SLC35D4: variants seen among roughly 807,000 people sequenced by gnomAD.
The protein encoded by SLC35D4 is solute carrier family 35 member D4.
chr18:23,404,323 G>T, the SLC35D4 span, among the ~76,000 whole-genome samples: 1 of 152,184 alleles, frequency 6.6e-6, no homozygotes, highest in African/African-American at 2.4e-5. Context: ...TTGGTGTCTT[G>T]TGGGAAGTGA....
the SLC35D4 span, among the ~76,000 whole-genome samples, chr18:23,338,643 C>T: frequency 1.3e-5 from 2 of 152,212 alleles, no homozygotes; most frequent in African/African-American, 4.8e-5. Flanking sequence ...TTTCCACCCC[C>T]CAGCCATTTT....
At chr18:23,291,649 C>T in the SLC35D4 span, among the ~76,000 whole-genome samples, 1 of 152,092 alleles carries the variant, frequency 6.6e-6, no homozygotes, top group Non-Finnish European at 1.5e-5. Context: ...GCCTCTCCTG[C>T]ACAACAGCTC....
chr18:23,373,411 G>A, the SLC35D4 span, among the ~76,000 whole-genome samples: 1 of 152,198 alleles, frequency 6.6e-6, no homozygotes, highest in Admixed American at 6.5e-5. Flanking sequence ...TGAGGCTGGG[G>A]CAATTTGGGC....
the SLC35D4 span, among the ~76,000 whole-genome samples, chr18:23,341,801 T>C: frequency 6.6e-6 from 1 of 152,172 alleles, no homozygotes; most frequent in Non-Finnish European, 1.5e-5. Flanking sequence ...TAATGGCTCA[T>C]TGAATCCAAT....
the SLC35D4 span, among the ~76,000 whole-genome samples, chr18:23,414,659 C>T: frequency 6.7e-6 from 1 of 149,926 alleles, no homozygotes; most frequent in East Asian, 2.0e-4. Context: ...GGTGACAGAG[C>T]GAAACTCCAT....
the SLC35D4 span, chr18:23,253,174 G>A: frequency 1.5e-6 from 1 of 675,752 alleles, no homozygotes; most frequent in South Asian, 1.7e-5. Context: ...CAGTGATTGA[G>A]TCATTGTCAC....
the SLC35D4 span, among the ~76,000 whole-genome samples, chr18:23,322,942 T>A: frequency 6.6e-6 from 1 of 152,222 alleles, no homozygotes; most frequent in South Asian, 2.1e-4. Context: ...GTAAATGTAC[T>A]CTTCTACTGT....
At chr18:23,289,521 C>T in the SLC35D4 span, among the ~76,000 whole-genome samples, 1 of 152,218 alleles carries the variant, frequency 6.6e-6, no homozygotes, top group African/African-American at 2.4e-5. Flanking sequence ...CACGCCATCC[C>T]TAATCCTGCT....
At chr18:23,309,376 G>A in the SLC35D4 span, among the ~76,000 whole-genome samples, 8 of 152,098 alleles carry the variant, frequency 5.3e-5, no homozygotes, top group East Asian at 1.9e-4. Context: ...GCCCTGGGGT[G>A]GAGGAGTGAG....
the SLC35D4 span, chr18:23,385,102 T>C: frequency 6.3e-7 from 1 of 1,587,494 alleles, no homozygotes; most frequent in South Asian, 1.1e-5. Context: ...ATGAAAATAT[T>C]TTCTTCGATC....
At chr18:23,413,030 T>C in the SLC35D4 span, among the ~76,000 whole-genome samples, 1 of 152,122 alleles carries the variant, frequency 6.6e-6, no homozygotes, top group Non-Finnish European at 1.5e-5. Context: ...TCCGTAAAGT[T>C]CTTTTTTTTT....
At chr18:23,355,467 C>T in the SLC35D4 span, among the ~76,000 whole-genome samples, 7 of 152,158 alleles carry the variant, frequency 4.6e-5, no homozygotes, top group South Asian at 1.2e-3. Flanking sequence ...TCCCAGCTAA[C>T]GGGCAAGGCC....
At chr18:23,368,017 T>C in the SLC35D4 span, among the ~76,000 whole-genome samples, 3 of 152,164 alleles carry the variant, frequency 2.0e-5, no homozygotes, top group Non-Finnish European at 4.4e-5. Flanking sequence ...GGGACAAGGA[T>C]ACAAACAGAA....
the SLC35D4 span, among the ~76,000 whole-genome samples, chr18:23,314,389 C>T: frequency 6.6e-6 from 1 of 152,180 alleles, no homozygotes; most frequent in Admixed American, 6.5e-5. Flanking sequence ...GGGATAAAAC[C>T]AAGCTCCCAG....
chr18:23,288,277 A>C, the SLC35D4 span, among the ~76,000 whole-genome samples: 2 of 152,096 alleles, frequency 1.3e-5, no homozygotes, highest in African/African-American at 4.8e-5. Flanking sequence ...ATCGCCACAC[A>C]CCAGCAAAGG....
At chr18:23,337,002 A>AGTGTGTGT in the SLC35D4 span, among the ~76,000 whole-genome samples, 14 of 148,004 alleles carry the variant, frequency 9.5e-5, no homozygotes, top group African/African-American at 1.7e-4. Context: ...TTTCCCCTGT[A>AGTGTGTGT]GTGTGTGTGT....
chr18:23,419,262 T>C, the SLC35D4 span, among the ~76,000 whole-genome samples: 4 of 152,224 alleles, frequency 2.6e-5, no homozygotes, highest in African/African-American at 9.6e-5. Context: ...TTTGGCTAGA[T>C]AATGTCATGG....
chr18:23,282,681 G>C, the SLC35D4 span, among the ~76,000 whole-genome samples: 2 of 152,234 alleles, frequency 1.3e-5, no homozygotes, highest in African/African-American at 4.8e-5. Flanking sequence ...CCCAGGGTAG[G>C]GGTGGGAGTG....
the SLC35D4 span, chr18:23,437,772 C>T: frequency 6.8e-5 from 110 of 1,609,554 alleles, no homozygotes; most frequent in Admixed American, 1.9e-4. Context: ...CCCGCGCCCG[C>T]CCCCTCACCT....
Sources: allele counts gnomAD v4.1 joint callset (sites outside exome capture counted in the v4.1 genomes callset), GRCh38; gene constraint gnomAD v4.1.1; transcripts MANE v1.5; gene names NCBI Gene and HGNC (gene_info 2026-07-23, HGNC 2026-07-21).